The following WDCP variants were observed in gnomAD, a reference collection of about 807,000 sequenced individuals.
WDCP encodes WD repeat and coiled coil containing, also known as WD repeat and coiled-coil-containing protein.
Under a neutral mutation model 41.6 loss-of-function variants are expected in WDCP, and 19 were observed. The ratio of observed to expected loss-of-function variants is 0.46; its 90% confidence interval spans 0.32 to 0.67. WDCP has a LOEUF of 0.67. Ranked by LOEUF, WDCP falls within the 30% of genes least tolerant of loss-of-function variation. The pLI, the probability that WDCP is intolerant of heterozygous loss-of-function variation, is 0.04. For synonymous variants in WDCP, 302 were observed against 320.8 expected (o/e 0.94, Z 0.63); for missense variants, 802 against 850.7 (o/e 0.94, Z 0.71).
intron 2 of WDCP, among the ~76,000 whole-genome samples, chr2:24,035,167 A>G (rs1343218902): frequency 1.3e-5 from 2 of 151,760 alleles, no homozygotes; most frequent in Non-Finnish European, 2.9e-5. Flanking sequence ...TTTTTTCCTC[A>G]ACAAGTATAT....
In WDCP at chr2:24,037,759, G is replaced by T. The variant is rs772480257; in HGVS notation, c.1736C>A (p.Thr579Lys). The T allele has an allele frequency of 1.7e-5, 27 of 1,614,094 alleles. No homozygotes were observed. The Admixed American group carries it at 3.2e-4, about 19-fold the overall frequency. The change falls in exon 2 of 4, where the codon ACA becomes AAA. Residue 579 changes from threonine to lysine, a missense_variant. Thr to Lys is a moderately conservative substitution (Grantham distance 78). Around this residue, in one of 5 missense-constraint regions of WDCP, gnomAD observed 321 missense variants for 305.1 expected, o/e 1.05. Transcript: ENST00000295148. ...VEMQRCLSEL[T>K]NRLHNGKKSS... Reference sequence around the variant, plus strand: ...TTTCTTCCCATTATGCAGACGGTTTGTAAGTTCAGAAAGACACCGTTGCAT... The same window carrying T: ...TTTCTTCCCATTATGCAGACGGTTTTTAAGTTCAGAAAGACACCGTTGCAT...
At chr2:24,033,121 C>T (rs17763442) in intron 2 of WDCP, 175 bp from the exon 3 acceptor site, 78,573 of 694,798 alleles carry the variant, frequency 0.11, 5,045 homozygotes, top group Middle Eastern at 0.19. Flanking sequence ...CTAAAAAATC[C>T]GAACAAAACA....
At chr2:24,040,796 C>CACCCTG (rs2150952454) in intron 1 of WDCP, among the ~76,000 whole-genome samples, 1 of 152,268 alleles carries the variant, frequency 6.6e-6, no homozygotes, top group African/African-American at 2.4e-5. Context: ...ACGGGAGGAT[C>CACCCTG]ACCTGAGGTT....
chr2:24,035,604 T>TA (rs1663219387), intron 2 of WDCP, among the ~76,000 whole-genome samples: 4 of 152,056 alleles, frequency 2.6e-5, no homozygotes, highest in Admixed American at 2.6e-4. Context: ...CATTTATAAA[T>TA]AAAATAATTT....
In WDCP at chr2:24,038,956, T is replaced by A; in HGVS notation, c.539A>T (p.His180Leu). 1 of 1,614,208 alleles carries A rather than the reference T, an allele frequency of 6.2e-7. No individual in the cohort carries two copies. ...RLVVAVGSSL[H>L]SYIWDSAQKT... The stretch of plus-strand genomic sequence containing the variant: ...CTGAGCGCTGTCCCAAATATAAGAA[T>A]GCAGGCTGCTGCCTACTGCCACCAC... The change falls in exon 2 of 4, where the codon CAT (histidine) becomes CTT (leucine). Residue 180 changes from histidine to leucine, a missense_variant. Coordinates refer to ENST00000295148, the MANE Select transcript of WDCP (RefSeq NM_025203.3).
At chr2:24,035,176 A>G (rs1228170575) in intron 2 of WDCP, among the ~76,000 whole-genome samples, 5 of 151,980 alleles carry the variant, frequency 3.3e-5, no homozygotes, top group Middle Eastern at 3.4e-3. Flanking sequence ...CAACAAGTAT[A>G]TATTACTTTT....
chr2:24,031,256 A>G, intron 3 of WDCP, 94 bp from the exon 4 acceptor site: 2 of 773,748 alleles, frequency 2.6e-6, no homozygotes, highest in Non-Finnish European at 4.2e-6. Flanking sequence ...GTGAAGGAAT[A>G]TAGTAGTTGA....
chr2:24,037,448 C>A (rs763705603), intron 2 of WDCP, among the ~76,000 whole-genome samples: 1 of 152,166 alleles, frequency 6.6e-6, no homozygotes, highest in African/African-American at 2.4e-5. Context: ...TATTTTTCCA[C>A]GTCATGCACC....
chr2:24,044,592 A>G (rs1558337949), intron 1 of WDCP, among the ~76,000 whole-genome samples: 1 of 152,134 alleles, frequency 6.6e-6, no homozygotes, highest in Admixed American at 6.6e-5. Context: ...TAGAAGAATG[A>G]ATTTTAATAT....
At chr2:24,034,047 G>C (rs191430091) in intron 2 of WDCP, among the ~76,000 whole-genome samples, 1 of 152,332 alleles carries the variant, frequency 6.6e-6, no homozygotes, top group East Asian at 1.9e-4. Flanking sequence ...TGAAATTACA[G>C]GGGAAACTAT....
intron 2 of WDCP, 50 bp downstream of exon 2, chr2:24,037,627 G>A (rs779887230): frequency 6.3e-5 from 96 of 1,522,758 alleles, no homozygotes; most frequent in Non-Finnish European, 7.6e-5. Context: ...AGTACTCACC[G>A]GCTGCAGGAG....
At position 24,037,994 on chromosome 2, in the gene WDCP, T is replaced by A; in HGVS notation, c.1501A>T (p.Ser501Cys). Reference sequence around the variant, plus strand: ...CCATCACAGATACTAGACAGAGGACTCTGGATTTCTTTAATAAGTGTTCTT... The same window carrying A: ...CCATCACAGATACTAGACAGAGGACACTGGATTTCTTTAATAAGTGTTCTT... ...PGRTLIKEIQ[S>C]PLSSICDGSI... The change falls in exon 2 of 4, where the codon AGT (serine) becomes TGT (cysteine). Residue 501 changes from serine to cysteine, a missense_variant. Ser to Cys is a moderately radical substitution (Grantham distance 112, BLOSUM62 -1). Coordinates refer to ENST00000295148, the MANE Select transcript of WDCP (RefSeq NM_025203.3). 6.2e-7 allele frequency: 1 copy of A among 1,614,192 alleles called. No individual in the cohort carries two copies. The highest frequency in any genetic ancestry group is 8.5e-7 in the Non-Finnish European group (1 of 1,180,028).
At chr2:24,034,574 CTT>C (rs70944707) in intron 2 of WDCP, among the ~76,000 whole-genome samples, 6 of 138,034 alleles carry the variant, frequency 4.3e-5, no homozygotes, top group Admixed American at 7.4e-5. Flanking sequence ...GGCAACAAAA[CTT>C]TTTTTTTTTT....
intron 1 of WDCP, among the ~76,000 whole-genome samples, chr2:24,044,459 G>T (rs1375702343): frequency 6.6e-6 from 1 of 152,030 alleles, no homozygotes; most frequent in African/African-American, 2.4e-5. Flanking sequence ...TAGAGACTGG[G>T]TTTCACCATG....
intron 1 of WDCP, among the ~76,000 whole-genome samples, chr2:24,042,871 T>C (rs927185656): frequency 2.1e-5 from 3 of 141,288 alleles, no homozygotes; most frequent in Non-Finnish European, 4.6e-5. Context: ...CCGTCTCTAC[T>C]AAAAATACAA....
rs576606015 is a variant in WDCP, at chr2:24,030,709, T to C, written c.*224A>G. 20 of 528,584 alleles carry C rather than the reference T, an allele frequency of 3.8e-5. No individual in the cohort carries two copies. Among genetic ancestry groups the C allele is most frequent in the Admixed American group, 1.4e-4 (4 of 29,402 alleles). The allele number at this position is 528,584 out of a possible 1,614,324, so 32.7% of individuals were successfully genotyped here. On this transcript the variant is annotated 3_prime_UTR_variant, in exon 4 of 4. Transcript: ENST00000295148. ...GCCCTTAGTCAAAACCACACAGTCA[T>C]GAATACATAAACACCACTTTCGGAG...
intron 2 of WDCP, among the ~76,000 whole-genome samples, chr2:24,035,094 A>T (rs572456336): frequency 6.6e-6 from 1 of 151,786 alleles, no homozygotes; most frequent in Non-Finnish European, 1.5e-5. Context: ...ATATTTAGCT[A>T]TATCTGTGAT....
At chr2:24,032,761 G>T in intron 3 of WDCP, 68 bp downstream of exon 3, 1 of 844,664 alleles carries the variant, frequency 1.2e-6, no homozygotes, top group Non-Finnish European at 2.0e-6. Context: ...TTCATTACCG[G>T]CATAGTTAAA....
rs202175488 is a variant in WDCP at position 24,031,129 on chromosome 2, T to C, written c.1970A>G (p.Glu657Gly). The part of the protein sequence containing the change: ...SHWILLSADS[E>G]GFIPLTFTAT... Reference sequence around the variant, plus strand: ...TGTGAAGGTTAACGGGATAAAGCCCTCACTGTCAGCAGAGAGAAGAATCCA... The same window carrying C: ...TGTGAAGGTTAACGGGATAAAGCCCCCACTGTCAGCAGAGAGAAGAATCCA... Residue 657 changes from glutamate (E) to glycine (G), a missense_variant, in exon 4 of 4, where the codon GAG becomes GGG. Glu to Gly is a moderately conservative substitution (Grantham distance 98). Coordinates refer to ENST00000295148, the MANE Select transcript of WDCP (RefSeq NM_025203.3). The C allele has an allele frequency of 2.0e-5, 33 of 1,614,036 alleles. No individual in the cohort carries two copies. The highest frequency in any genetic ancestry group is 2.5e-5 in the Non-Finnish European group (30 of 1,180,006).
Sources: allele counts gnomAD v4.1 joint callset (sites outside exome capture counted in the v4.1 genomes callset), GRCh38; gene constraint gnomAD v4.1.1; regional missense constraint gnomAD v4.1.1; transcripts MANE v1.5; gene names NCBI Gene and HGNC (gene_info 2026-07-23, HGNC 2026-07-21).